Variants in VPS13B observed in about 807,000 individuals in gnomAD.
VPS13B encodes the protein vacuolar protein sorting 13 homolog B.
VPS13B carries 285 observed loss-of-function variants against 426.4 expected under a neutral mutation model. That is an observed-to-expected ratio of 0.67 (90% CI 0.61 to 0.74). VPS13B has a LOEUF of 0.74. Among genes scored for constraint, VPS13B ranks in the 30% least tolerant of loss-of-function variants. VPS13B has a pLI of 0.00. For missense variants in VPS13B, 4,537 were observed against 4,782.6 expected (o/e 0.95, Z 1.51); for synonymous variants, 1,676 against 1,676.4 (o/e 1.00, Z 0.01).
intron 33 of VPS13B, among the ~76,000 whole-genome samples, chr8:99,640,445 T>G (rs1829312673): frequency 6.6e-6 from 1 of 151,982 alleles, no homozygotes; most frequent in Non-Finnish European, 1.5e-5. Context: ...TCTTCATATT[T>G]TTTGTAGAGA....
chr8:99,162,242 A>G (rs986388349), intron 15 of VPS13B, among the ~76,000 whole-genome samples: 61 of 152,164 alleles, frequency 4.0e-4, no homozygotes, highest in African/African-American at 1.4e-3. Context: ...TGATTTTAGT[A>G]GCCTTTGAGG....
chr8:99,279,143 G>T (rs1819041861), intron 19 of VPS13B, among the ~76,000 whole-genome samples: 1 of 152,104 alleles, frequency 6.6e-6, no homozygotes, highest in Non-Finnish European at 1.5e-5. Flanking sequence ...GAGGGCTGAG[G>T]TGGAAGCATC....
rs189226589 is a variant in VPS13B at position 99,695,737 on chromosome 8, A to G, written c.6047-3788A>G. On this transcript the variant is annotated intron_variant, in intron 35 of 61. Coordinates refer to ENST00000357162, the MANE Select transcript of VPS13B (RefSeq NM_152564.5). ...ACTCCATACCAAGAAAAAAAAAAAA[A>G]GAAAATACAGTGTCCCCACATGAAG... 6.6e-5 allele frequency among the ~76,000 whole-genome samples: 10 copies of G among 151,072 alleles called. No individual in the cohort carries two copies. The East Asian group carries it at 1.9e-3, about 29-fold the overall frequency.
At chr8:99,233,033 A>G (rs938773804) in intron 17 of VPS13B, 4 of 1,039,674 alleles carry the variant, frequency 3.8e-6, no homozygotes, top group Admixed American at 1.8e-5. Flanking sequence ...TGTTTTGCTG[A>G]TGCCTGTGGG....
intron 59 of VPS13B, among the ~76,000 whole-genome samples, chr8:99,869,931 A>G (rs1563519031): frequency 6.6e-6 from 1 of 152,374 alleles, no homozygotes; most frequent in Admixed American, 6.5e-5. Context: ...GTAAAGGCCT[A>G]TGTGGCTGCT....
chr8:99,216,366 C>T (rs545746558), intron 17 of VPS13B, among the ~76,000 whole-genome samples: 95 of 152,204 alleles, frequency 6.2e-4, no homozygotes, highest in Non-Finnish European at 1.1e-3. Context: ...ATCTGTGATA[C>T]CTCACTACCC....
chr8:99,166,709 A>C, intron 15 of VPS13B, among the ~76,000 whole-genome samples: 1 of 152,068 alleles, frequency 6.6e-6, no homozygotes, highest in South Asian at 2.1e-4. Context: ...AAGTAGAAAA[A>C]CTCATCCTAA....
intron 54 of VPS13B, among the ~76,000 whole-genome samples, chr8:99,839,459 C>A (rs973287509): frequency 6.6e-5 from 10 of 152,134 alleles, no homozygotes; most frequent in Non-Finnish European, 1.5e-4. Flanking sequence ...CCAATAAATG[C>A]AGTAAAGGGA....
At chr8:99,057,071 G>A (rs1843915989) in intron 3 of VPS13B, among the ~76,000 whole-genome samples, 1 of 149,594 alleles carries the variant, frequency 6.7e-6, no homozygotes. Context: ...TTGATCTTGT[G>A]TCCTGTGACC....
chr8:99,750,625 A>G (rs776109902), intron 39 of VPS13B, among the ~76,000 whole-genome samples: 1 of 152,140 alleles, frequency 6.6e-6, no homozygotes, highest in Non-Finnish European at 1.5e-5. Flanking sequence ...GAACAAAGAC[A>G]TAGAAGCTGA....
intron 36 of VPS13B, among the ~76,000 whole-genome samples, chr8:99,715,740 C>T (rs188363051): frequency 6.6e-6 from 1 of 152,104 alleles, no homozygotes; most frequent in Non-Finnish European, 1.5e-5. Context: ...TGTTAATGCT[C>T]ATTTACTAAA....
At chr8:99,697,763 A>G (rs1832095127) in intron 35 of VPS13B, 3 of 626,156 alleles carry the variant, frequency 4.8e-6, no homozygotes, top group South Asian at 3.0e-5. Context: ...GAACATCATC[A>G]GTGTCACTGA....
At chr8:99,729,856 C>G (rs1237388925) in intron 39 of VPS13B, among the ~76,000 whole-genome samples, 1 of 152,122 alleles carries the variant, frequency 6.6e-6, no homozygotes, top group Non-Finnish European at 1.5e-5. Flanking sequence ...TCAGTATTAT[C>G]CAATAAAGTA....
chr8:99,099,081 C>A (rs1342279608), intron 4 of VPS13B, among the ~76,000 whole-genome samples: 1 of 152,038 alleles, frequency 6.6e-6, no homozygotes, highest in Non-Finnish European at 1.5e-5. Flanking sequence ...ATCACCAACT[C>A]ACATCGGTTT....
At chr8:99,559,746 A>G (rs914888099) in intron 31 of VPS13B, among the ~76,000 whole-genome samples, 8 of 151,994 alleles carry the variant, frequency 5.3e-5, no homozygotes, top group East Asian at 1.9e-4. Context: ...TGAGGGCTCT[A>G]TTCTGTTCCA....
At chr8:99,481,866 A>G (rs1820055724) in intron 25 of VPS13B, 64 bp downstream of exon 25, 6 of 1,556,550 alleles carry the variant, frequency 3.9e-6, no homozygotes, top group East Asian at 4.6e-5. Context: ...TTTCCAGATC[A>G]TGGTTTAAAA....
chr8:99,693,865 A>G (rs1357835534), intron 35 of VPS13B, among the ~76,000 whole-genome samples: 3 of 148,960 alleles, frequency 2.0e-5, no homozygotes, highest in Non-Finnish European at 3.0e-5. Flanking sequence ...ATACAAAATG[A>G]ATGTACAAAA....
At chr8:99,549,751 C>A (rs1824177966) in intron 30 of VPS13B, among the ~76,000 whole-genome samples, 1 of 152,110 alleles carries the variant, frequency 6.6e-6, no homozygotes, top group Admixed American at 6.5e-5. Context: ...ATTGCTTTCT[C>A]CCCTGCCTCT....
intron 54 of VPS13B, among the ~76,000 whole-genome samples, chr8:99,837,685 C>T (rs749677196): frequency 7.9e-5 from 12 of 152,208 alleles, no homozygotes; most frequent in African/African-American, 1.2e-4. Context: ...TCCTGCAGAC[C>T]GTGGTTTACT....
Sources: gnomAD v4.1 joint callset for allele counts (sites outside exome capture counted in the v4.1 genomes callset) on GRCh38, gnomAD v4.1.1 for gene constraint, MANE v1.5 for transcripts, NCBI Gene and HGNC (gene_info 2026-07-23, HGNC 2026-07-21) for gene names.